The following PUM3 variants were observed in gnomAD, a reference collection of about 807,000 sequenced individuals.
PUM3 encodes the protein pumilio homolog 3.
In PUM3, 91 loss-of-function variants were observed where a neutral mutation model predicts 84.0. The ratio of observed to expected loss-of-function variants is 1.08; its 90% confidence interval spans 0.91 to 1.29. The LOEUF is 1.29. Among genes scored for constraint, PUM3 ranks in the 50% most tolerant of loss-of-function variants. The probability of loss-of-function intolerance (pLI) is 0.00; values close to 1 mark genes in which losing one functional copy is unlikely to be tolerated. For synonymous variants in PUM3, 321 were observed against 266.7 expected (o/e 1.20, Z -1.98); for missense variants, 1,067 against 767.5 (o/e 1.39, Z -4.61).
At chr9:2,842,853 C>G (rs1381490480) in intron 1 of PUM3, among the ~76,000 whole-genome samples, 10 of 152,150 alleles carry the variant, frequency 6.6e-5, no homozygotes, top group Admixed American at 6.5e-4. Flanking sequence ...CAACAATATA[C>G]TATTTTTCCC....
rs375775313 is a variant in PUM3, at chr9:2,829,932, C to T, written c.694G>A (p.Ala232Thr). The T allele has an allele frequency of 6.2e-7, 1 of 1,612,452 alleles. No individual in the cohort carries two copies. Among genetic ancestry groups the T allele is most frequent in the South Asian group, 1.1e-5 (1 of 90,868 alleles). Reference sequence around the variant, plus strand: ...CCTTTAAAACTTCTGATTATCTCTGCAATCTGTGGTTTACTTCTAAACGCA... The same window carrying T: ...CCTTTAAAACTTCTGATTATCTCTGTAATCTGTGGTTTACTTCTAAACGCA... ...FLMYGSKPQI[A>T]EIIRSFKGHV... Residue 232 changes from alanine to threonine, a missense_variant, in exon 8 of 18, where the codon GCA becomes ACA. Ala to Thr is a moderately conservative substitution (Grantham distance 58). Coordinates refer to ENST00000397885, the MANE Select transcript of PUM3 (RefSeq NM_014878.5).
Position 2,811,585 on chromosome 9 carries a change from T to C in PUM3, c.1413-2A>G, listed in dbSNP as rs532892606. The C allele has an allele frequency of 1.2e-6, 2 of 1,607,478 alleles. No homozygotes were observed. The highest frequency in any genetic ancestry group is 2.2e-5 in the East Asian group (1 of 44,856). On this transcript the variant is annotated splice_acceptor_variant, in intron 14 of 17. Coordinates refer to ENST00000397885, the MANE Select transcript of PUM3 (RefSeq NM_014878.5). LOFTEE classifies it high-confidence loss of function. Reference sequence around the variant, plus strand: ...CTGCGGACCTCTGTATCTTTCTTACTGTTGAGTATGTTGAACGGGGTATTA... The same window carrying C: ...CTGCGGACCTCTGTATCTTTCTTACCGTTGAGTATGTTGAACGGGGTATTA...
intron 8 of PUM3, 91 bp downstream of exon 8, chr9:2,829,683 A>C: frequency 9.2e-7 from 1 of 1,087,262 alleles, no homozygotes; most frequent in Non-Finnish European, 1.3e-6. Context: ...CCACAGTAAA[A>C]ATACATTCAA....
chr9:2,823,636 A>G lies in PUM3; in HGVS notation c.1188+145T>C. On this transcript the variant is annotated intron_variant, in intron 12 of 17. Transcript: ENST00000397885. ...TCCATTTTGTGTAGATAAAATATGA[A>G]AATACATGTAGATGCAAAGAAAAAT... The G allele has an allele frequency of 6.7e-6, 3 of 446,790 alleles. No homozygotes were observed. In the South Asian group the frequency reaches 1.7e-4, roughly 26 times the overall value. The allele number at this position is 446,790 out of a possible 1,614,324, so 27.7% of individuals were successfully genotyped here. A position where few individuals can be genotyped will look rare whatever the true frequency, so the allele number is the denominator to read the frequency against.
intron 12 of PUM3, among the ~76,000 whole-genome samples, chr9:2,821,092 A>AACTGT (rs1173247492): frequency 1.3e-5 from 2 of 152,240 alleles, no homozygotes; most frequent in African/African-American, 4.8e-5. Context: ...TGTAAAGTCA[A>AACTGT]AAAGACAAAC....
chr9:2,809,281 C>T (rs1821319163), intron 16 of PUM3, among the ~76,000 whole-genome samples: 2 of 152,132 alleles, frequency 1.3e-5, no homozygotes, highest in South Asian at 4.1e-4. Flanking sequence ...CACATCAGAC[C>T]CAAACTGGCA....
intron 13 of PUM3, among the ~76,000 whole-genome samples, chr9:2,816,195 C>A (rs572828283): frequency 6.6e-6 from 1 of 152,242 alleles, no homozygotes; most frequent in South Asian, 2.1e-4. Context: ...TGCATAGAAC[C>A]TAAAAGCTAG....
At chr9:2,841,557 G>C (rs946299367) in intron 1 of PUM3, among the ~76,000 whole-genome samples, 2 of 152,168 alleles carry the variant, frequency 1.3e-5, no homozygotes, top group Middle Eastern at 3.2e-3. Context: ...AACAGAGTGA[G>C]ACTCTATTTC....
intron 11 of PUM3, among the ~76,000 whole-genome samples, chr9:2,824,408 A>C (rs1437073224): frequency 2.0e-5 from 3 of 152,172 alleles, no homozygotes; most frequent in Non-Finnish European, 4.4e-5. Flanking sequence ...TATGATCATT[A>C]AAAGAGGAGG....
Position 2,820,030 on chromosome 9 carries a change from C to CA in PUM3, c.1256_1257insT (p.Gln419HisfsTer13). 6.2e-7 allele frequency: 1 copy of CA among 1,606,866 alleles called. No individual in the cohort carries two copies. The highest frequency in any genetic ancestry group is 1.1e-5 in the South Asian group (1 of 90,768). ...CAGGATTACTTACTGATATGATTAT[C>CA]TGCTTCACAAGCTTAGTATCATCAA... On this transcript the variant is annotated frameshift_variant, in exon 13 of 18. Coordinates refer to ENST00000397885, the MANE Select transcript of PUM3 (RefSeq NM_014878.5). LOFTEE classifies it high-confidence loss of function.
intron 1 of PUM3, among the ~76,000 whole-genome samples, chr9:2,842,183 C>T (rs1816283203): frequency 6.6e-6 from 1 of 152,202 alleles, no homozygotes; most frequent in Non-Finnish European, 1.5e-5. Flanking sequence ...TCATCACATT[C>T]AATAGTGTCT....
chr9:2,812,498 G>A (rs181899634), intron 13 of PUM3, 136 bp from the exon 14 acceptor site: 43 of 626,364 alleles, frequency 6.9e-5, no homozygotes, highest in African/African-American at 5.9e-4. Flanking sequence ...TATAGTATAT[G>A]TGCTGCCAAA....
In PUM3 at chr9:2,837,572, A is replaced by C. The variant is rs28362502; in HGVS notation, c.83-171T>G. Among the ~76,000 whole-genome samples, 683 of 152,364 alleles carry C rather than the reference A, an allele frequency of 4.5e-3. 12 individuals are homozygous for C. In the East Asian group the frequency reaches 0.088, roughly 20 times the overall value. On this transcript the variant is annotated intron_variant, in intron 2 of 17. Transcript: ENST00000397885. ...GAACTGGATTTAAACAATCAAAACAAAAATAAAAAATTCTTTCCTTGATTA... is the reference window on the plus strand; with the variant it reads ...GAACTGGATTTAAACAATCAAAACACAAATAAAAAATTCTTTCCTTGATTA...
chr9:2,829,718 A>G, intron 8 of PUM3, 56 bp downstream of exon 8: 2 of 1,471,456 alleles, frequency 1.4e-6, no homozygotes, highest in Non-Finnish European at 1.9e-6. Flanking sequence ...ACCGGAAGTT[A>G]AGGAAGAGCA....
In PUM3 at chr9:2,810,339, C is replaced by G; in HGVS notation, c.1723+5G>C. The G allele has an allele frequency of 6.3e-7, 1 of 1,577,336 alleles. No individual in the cohort carries two copies. Among genetic ancestry groups the G allele is most frequent in the Non-Finnish European group, 8.7e-7 (1 of 1,147,252 alleles). On this transcript the variant is annotated splice_donor_5th_base_variant and intron_variant, in intron 16 of 17. Coordinates refer to ENST00000397885, the MANE Select transcript of PUM3 (RefSeq NM_014878.5). ...TACAAGAAAAGGTCAAATTTCATAG[C>G]CTACCTTCTCTCCCATTTTCTTTCA...
chr9:2,819,783 T>A (rs1821548713), intron 13 of PUM3, among the ~76,000 whole-genome samples: 1 of 152,218 alleles, frequency 6.6e-6, no homozygotes. Flanking sequence ...GTGTTAAATC[T>A]TAATTTGACC....
rs58530371 is a variant in PUM3, at chr9:2,823,683, G to A, written c.1188+98C>T. 4.6e-3 allele frequency: 2,393 copies of A among 521,586 alleles called. 39 individuals carry two copies. The highest frequency in any genetic ancestry group is 0.043 in the African/African-American group (2,177 of 50,332). 32.3% of individuals were successfully genotyped at this position (521,586 alleles called of 1,614,324 possible). On this transcript the variant is annotated intron_variant, in intron 12 of 17. Coordinates refer to ENST00000397885, the MANE Select transcript of PUM3 (RefSeq NM_014878.5). ...AAATATAATAAAACAATAATTTTCT[G>A]CTTGGTAATTTTCTGAATTTTTCCA...
At chr9:2,821,810 A>AAGGGTACTAATCAATAAGGGTAC (rs1326675367) in intron 12 of PUM3, among the ~76,000 whole-genome samples, 2 of 152,194 alleles carry the variant, frequency 1.3e-5, no homozygotes, top group Non-Finnish European at 2.9e-5. Context: ...ACATATGAAT[A>AAGGGTACTAATCAATAAGGGTAC]TATTCACTGG....
At chr9:2,820,409 G>C (rs550385514) in intron 12 of PUM3, among the ~76,000 whole-genome samples, 1 of 151,904 alleles carries the variant, frequency 6.6e-6, no homozygotes, top group African/African-American at 2.4e-5. Flanking sequence ...TTAATGAATA[G>C]CTACTTGAAA....
Sources: gnomAD v4.1 joint callset for allele counts (sites outside exome capture counted in the v4.1 genomes callset) on GRCh38, gnomAD v4.1.1 for gene constraint, MANE v1.5 for transcripts, NCBI Gene and HGNC (gene_info 2026-07-23, HGNC 2026-07-21) for gene names.